HECTD4: variants seen among roughly 807,000 people sequenced by gnomAD.
HECTD4 encodes probable E3 ubiquitin-protein ligase HECTD4.
A neutral mutation model predicts 471.5 loss-of-function variants in HECTD4; 114 were observed. The observed-to-expected ratio is 0.24, with a 90% CI of 0.21 to 0.28. HECTD4 has a LOEUF of 0.28. HECTD4 is among the 10% of genes least tolerant of loss of function. The pLI is 1.00. For missense variants in HECTD4, 3,866 were observed against 5,651.5 expected, an observed-to-expected ratio of 0.68 and a Z score of 10.13; for synonymous variants, 2,012 against 2,256.0, an observed-to-expected ratio of 0.89 and a Z score of 3.07.
At chr12:112,275,799 C>A (rs2034514010) in intron 9 of HECTD4, among the ~76,000 whole-genome samples, 1 of 152,032 alleles carries the variant, frequency 6.6e-6, no homozygotes, top group African/African-American at 2.4e-5. Flanking sequence ...ACTCTTTTTT[C>A]TATTTTCTAC....
intron 1 of HECTD4, among the ~76,000 whole-genome samples, chr12:112,338,962 A>G (rs1458242289): frequency 1.3e-5 from 2 of 152,030 alleles, no homozygotes; most frequent in African/African-American, 4.8e-5. Context: ...AACCCCCAAC[A>G]CTGGGGATTA....
At chr12:112,229,210 C>T (rs1323378498) in intron 41 of HECTD4, among the ~76,000 whole-genome samples, 2 of 152,008 alleles carry the variant, frequency 1.3e-5, no homozygotes, top group Non-Finnish European at 2.9e-5. Flanking sequence ...ACCTGTAATC[C>T]CAGCTACTTG....
chr12:112,232,146 T>G (rs1383364430), intron 38 of HECTD4, among the ~76,000 whole-genome samples: 1 of 152,178 alleles, frequency 6.6e-6, no homozygotes, highest in African/African-American at 2.4e-5. Flanking sequence ...TTTTGTTTTG[T>G]TCGAGATTGA....
chr12:112,175,626 C>A, intron 66 of HECTD4, 110 bp downstream of exon 66: 3 of 1,293,304 alleles, frequency 2.3e-6, no homozygotes, highest in South Asian at 1.4e-5. Flanking sequence ...CGAAATAACT[C>A]AGAAAGCATT....
intron 60 of HECTD4, among the ~76,000 whole-genome samples, chr12:112,189,742 T>C (rs1479667034): frequency 6.6e-6 from 1 of 151,948 alleles, no homozygotes; most frequent in African/African-American, 2.4e-5. Flanking sequence ...ACTGAAGGCA[T>C]CCGAGTGTGC....
At chr12:112,215,376 T>C (rs1044198291) in intron 48 of HECTD4, among the ~76,000 whole-genome samples, 1 of 152,192 alleles carries the variant, frequency 6.6e-6, no homozygotes, top group Non-Finnish European at 1.5e-5. Context: ...AAGCCTAAGA[T>C]GCATTGTCTA....
rs746373458 is a variant in HECTD4, at chr12:112,162,565, C to T, written c.13121-42G>A. ...CAGCATCAGAGGGTTGGGCCCACAT[C>T]TGTGAGGCTCCCAGGGAAGCTGGGC... On this transcript the variant is annotated intron_variant, in intron 75 of 75. Coordinates refer to ENST00000682272, the MANE Select transcript of HECTD4 (RefSeq NM_001388303.1). This position sits in a 1 kb window ranked among gnomAD's most constrained non-coding sequence, Gnocchi z 5.2. 3 of 1,612,398 alleles carry T rather than the reference C, an allele frequency of 1.9e-6. No homozygotes were observed. The highest frequency in any genetic ancestry group is 2.5e-6 in the Non-Finnish European group (3 of 1,179,054).
At chr12:112,312,350 C>T (rs960909051) in intron 4 of HECTD4, among the ~76,000 whole-genome samples, 1 of 152,070 alleles carries the variant, frequency 6.6e-6, no homozygotes, top group African/African-American at 2.4e-5. Context: ...CCTGCAATTC[C>T]GCTGGTGGGA....
At chr12:112,324,694 C>G (rs570997434) in intron 1 of HECTD4, among the ~76,000 whole-genome samples, 3 of 152,132 alleles carry the variant, frequency 2.0e-5, no homozygotes, top group Admixed American at 2.0e-4. Flanking sequence ...CTATTACCCC[C>G]AAAAATCAGT....
At position 112,167,484 on chromosome 12, in the gene HECTD4, G is replaced by A; in HGVS notation, c.12367C>T (p.His4123Tyr). ...ATCCCCAGCAGCTGCCCCAGGAAGT[G>A]CAGCAGCTGCTCCTCCCCGTAGGTG... ...PITYGEEQLL[H>Y]FLGQLLGIAI... The change falls in exon 72 of 76, where the codon CAC (histidine) becomes TAC (tyrosine). Residue 4123 changes from histidine (H) to tyrosine (Y), a missense_variant. Transcript: ENST00000682272. 6.2e-7 allele frequency: 1 copy of A among 1,611,662 alleles called. No homozygotes were observed. The highest frequency in any genetic ancestry group is 8.5e-7 in the Non-Finnish European group (1 of 1,178,438).
intron 32 of HECTD4, among the ~76,000 whole-genome samples, chr12:112,241,231 G>A (rs1593966452): frequency 6.6e-6 from 1 of 152,034 alleles, no homozygotes; most frequent in East Asian, 1.9e-4. Context: ...AAGGAATAGT[G>A]CTGCCAGTTT....
intron 11 of HECTD4, among the ~76,000 whole-genome samples, chr12:112,272,894 T>C (rs567788808): frequency 1.3e-5 from 2 of 152,352 alleles, no homozygotes; most frequent in African/African-American, 4.8e-5. Flanking sequence ...TGCTTTTCAC[T>C]ATCTTCTCCA....
chr12:112,206,022 CAG>C (rs1593928509), intron 52 of HECTD4, among the ~76,000 whole-genome samples: 1 of 152,124 alleles, frequency 6.6e-6, no homozygotes, highest in Non-Finnish European at 1.5e-5. Context: ...TCTTTCTTCC[CAG>C]AGAAAGAACA....
At position 112,248,171 on chromosome 12, in the gene HECTD4, T is replaced by C; in HGVS notation, c.4144A>G (p.Ser1382Gly). ...KLNAMERQLQ[S>G]VAELEQKWQS... ...CATTTTTGTTCCAGTTCTGCAACAC[T>C]CTAATAAATACATTAAAATAGATGC... is the stretch of plus-strand genomic sequence containing the variant. Residue 1382 changes from serine to glycine, a missense_variant and splice_region_variant, in exon 27 of 76, where the codon AGT becomes GGT. Coordinates refer to ENST00000682272, the MANE Select transcript of HECTD4 (RefSeq NM_001388303.1). 1 of 1,609,930 alleles carries C rather than the reference T, an allele frequency of 6.2e-7. No individual in the cohort carries two copies. The highest frequency in any genetic ancestry group is 8.5e-7 in the Non-Finnish European group (1 of 1,177,226).
At chr12:112,288,004 A>G (rs1267425690) in intron 7 of HECTD4, among the ~76,000 whole-genome samples, 1 of 150,994 alleles carries the variant, frequency 6.6e-6, no homozygotes, top group African/African-American at 2.5e-5. Flanking sequence ...GGACCTGGTC[A>G]GATGACTTTT....
chr12:112,199,988 G>A (rs751209855), intron 55 of HECTD4, among the ~76,000 whole-genome samples: 8 of 152,120 alleles, frequency 5.3e-5, no homozygotes, highest in Non-Finnish European at 1.2e-4. Flanking sequence ...CTCCAGATAC[G>A]CTTATCTGTC....
At chr12:112,357,733 G>A (rs1480897831) in intron 1 of HECTD4, among the ~76,000 whole-genome samples, 1 of 152,154 alleles carries the variant, frequency 6.6e-6, no homozygotes, top group Non-Finnish European at 1.5e-5. Flanking sequence ...AAGACTCCTA[G>A]ATTCATTATT....
Position 112,308,911 on chromosome 12 carries a change from A to G in HECTD4, c.1026-20T>C. 6.5e-7 allele frequency: 1 copy of G among 1,534,252 alleles called. No individual in the cohort carries two copies. Among genetic ancestry groups the G allele is most frequent in the African/African-American group, 1.4e-5 (1 of 73,094 alleles). The stretch of plus-strand genomic sequence containing the variant: ...AAACCTCTGTGGAATGAAATGGAGC[A>G]CAGGCTGAATCACCTGGCTATGTCA... On this transcript the variant is annotated intron_variant, in intron 5 of 75. Coordinates refer to ENST00000682272, the MANE Select transcript of HECTD4 (RefSeq NM_001388303.1).
chr12:112,332,323 G>A (rs1479765769), intron 1 of HECTD4, among the ~76,000 whole-genome samples: 2 of 151,826 alleles, frequency 1.3e-5, no homozygotes, highest in Non-Finnish European at 2.9e-5. Flanking sequence ...ACCTAAGGTC[G>A]GGAGTTTGAG....
Sources: allele counts gnomAD v4.1 joint callset (sites outside exome capture counted in the v4.1 genomes callset), GRCh38; gene constraint gnomAD v4.1.1; non-coding constraint Gnocchi (gnomAD v3.1); transcripts MANE v1.5; gene names NCBI Gene and HGNC (gene_info 2026-07-23, HGNC 2026-07-21).